The following CDH7 variants were observed in gnomAD, a reference collection of about 807,000 sequenced individuals.
CDH7 encodes cadherin-7.
In CDH7, 25 loss-of-function variants were observed where a neutral mutation model predicts 71.8. The ratio of observed to expected loss-of-function variants is 0.35; its 90% CI spans 0.25 to 0.49. CDH7 has a LOEUF of 0.49. Ranked by LOEUF, CDH7 falls within the 20% of genes least tolerant of loss-of-function variation. CDH7 has a pLI of 0.99. For synonymous variants in CDH7, 381 were observed against 363.8 expected (o/e 1.05, Z -0.54); for missense variants, 862 against 974.6 (o/e 0.88, Z 1.54).
chr18:65,766,481 C>A (rs1256805007), intron 2 of CDH7, among the ~76,000 whole-genome samples: 1 of 152,062 alleles, frequency 6.6e-6, no homozygotes, highest in East Asian at 1.9e-4. Flanking sequence ...TACTCAGGAA[C>A]CACCCGGGCT....
intron 6 of CDH7, among the ~76,000 whole-genome samples, chr18:65,840,041 G>T (rs1233673163): frequency 6.6e-6 from 1 of 152,152 alleles, no homozygotes; most frequent in Non-Finnish European, 1.5e-5. Context: ...ATTATTATTT[G>T]CAAACAATCA....
chr18:65,871,008 C>A (rs746250352), intron 11 of CDH7, among the ~76,000 whole-genome samples: 27 of 152,066 alleles, frequency 1.8e-4, no homozygotes, highest in Non-Finnish European at 3.5e-4. Flanking sequence ...AGAATAGGTC[C>A]AGTATCCTCC....
intron 4 of CDH7, among the ~76,000 whole-genome samples, chr18:65,818,422 C>G (rs138160289): frequency 6.6e-6 from 1 of 152,132 alleles, no homozygotes. Context: ...TCAGAATGTG[C>G]ATGGGGGAGT....
rs373560839 is a variant in CDH7, at chr18:65,862,726, A to T, written c.1673A>T (p.Tyr558Phe). 1 of 1,614,090 alleles carries T rather than the reference A, an allele frequency of 6.2e-7. No homozygotes were observed. The highest frequency in any genetic ancestry group is 8.5e-7 in the Non-Finnish European group (1 of 1,179,942). Reference sequence around the variant, plus strand: ...TTCCGGAGACAGGAACAATCAGTTTACTATCTGCCAATTTTCATTGTGGAC... The same window carrying T: ...TTCCGGAGACAGGAACAATCAGTTTTCTATCTGCCAATTTTCATTGTGGAC... Reference protein sequence around the residue: ...NGFRRQEQSVYYLPIFIVDSG... With the variant: ...NGFRRQEQSVFYLPIFIVDSG... The change falls in exon 11 of 12, where the codon TAC becomes TTC. Residue 558 changes from tyrosine to phenylalanine, a missense_variant. Transcript: ENST00000397968.
Position 65,784,913 on chromosome 18 carries a change from T to G in CDH7, c.210+21861T>G, listed in dbSNP as rs80276332. ...GTTCATTTATGTGTTACATTATACT[T>G]GGAGTCCTTGTAAGCCATTAAAACT... is the stretch of plus-strand genomic sequence containing the variant. On this transcript the variant is annotated intron_variant, in intron 2 of 11. Coordinates refer to ENST00000397968, the MANE Select transcript of CDH7 (RefSeq NM_004361.5). Among the ~76,000 whole-genome samples the G allele has an allele frequency of 5.2e-3, 795 of 152,304 alleles. 6 individuals carry two copies. The highest frequency in any genetic ancestry group is 0.018 in the African/African-American group (749 of 41,578).
chr18:65,853,906 CATATAT>C (rs4047846), intron 7 of CDH7, among the ~76,000 whole-genome samples: 1,244 of 33,660 alleles, frequency 0.037, 21 homozygotes, highest in East Asian at 0.043. Context: ...CATAAATTAC[CATATAT>C]ATATATATAT....
In CDH7 at chr18:65,809,869, G is replaced by A. The variant is rs777978352; in HGVS notation, c.376G>A (p.Asp126Asn). The A allele has an allele frequency of 7.4e-6, 12 of 1,613,984 alleles. No homozygotes were observed. The highest frequency in any genetic ancestry group is 1.6e-4 in the Middle Eastern group (1 of 6,062). Reference protein sequence around the residue: ...AYYTLRAQALDRLTNKPVEPE... With the variant: ...AYYTLRAQALNRLTNKPVEPE... ...CTACACGCTCCGAGCTCAAGCGCTGGATAGGCTCACCAACAAACCCGTGGA... is the reference window on the plus strand; with the variant it reads ...CTACACGCTCCGAGCTCAAGCGCTGAATAGGCTCACCAACAAACCCGTGGA... Residue 126 changes from aspartate to asparagine, a missense_variant, in exon 3 of 12, where the codon GAT becomes AAT. By Grantham distance (23) the Asp-to-Asn change is conservative. Coordinates refer to ENST00000397968, the MANE Select transcript of CDH7 (RefSeq NM_004361.5).
intron 2 of CDH7, among the ~76,000 whole-genome samples, chr18:65,783,726 C>A (rs577257233): frequency 6.6e-6 from 1 of 152,070 alleles, no homozygotes; most frequent in Non-Finnish European, 1.5e-5. Context: ...ATTAGTCTAA[C>A]CTTTTTCATG....
intron 2 of CDH7, among the ~76,000 whole-genome samples, chr18:65,799,332 AG>A (rs1911029527): frequency 6.6e-6 from 1 of 152,062 alleles, no homozygotes; most frequent in African/African-American, 2.4e-5. Flanking sequence ...ACCCTGCTGT[AG>A]GAAAGAGAAG....
chr18:65,811,797 T>C (rs780843802), intron 3 of CDH7, among the ~76,000 whole-genome samples: 6 of 152,084 alleles, frequency 3.9e-5, no homozygotes, highest in Non-Finnish European at 5.9e-5. Flanking sequence ...GTGAACTTTT[T>C]GTTTTAGAAG....
rs1599057036 is a variant in CDH7, at chr18:65,859,064, A to G, written c.1494+18A>G. 3 of 1,607,536 alleles carry G rather than the reference A, an allele frequency of 1.9e-6. No homozygotes were observed. The highest frequency in any genetic ancestry group is 2.5e-6 in the Non-Finnish European group (3 of 1,177,232). ...CGGGGCAGGTAAGAGTCTTCAGAAC[A>G]CTTTGCTTCTAATTTGTGGTTTCTT... On this transcript the variant is annotated intron_variant, in intron 9 of 11. Transcript: ENST00000397968.
At chr18:65,858,822 G>A in intron 8 of CDH7, 103 bp from the exon 9 acceptor site, 1 of 1,112,824 alleles carries the variant, frequency 9.0e-7, no homozygotes, top group Non-Finnish European at 1.3e-6. Flanking sequence ...AAGTAATACA[G>A]CATTATGATT....
intron 6 of CDH7, among the ~76,000 whole-genome samples, chr18:65,834,188 T>C (rs1373029271): frequency 2.6e-5 from 4 of 152,236 alleles, no homozygotes; most frequent in Non-Finnish European, 5.9e-5. Flanking sequence ...CCAGTATTTC[T>C]AGTTTGTGTA....
At chr18:65,760,833 T>C (rs1366339274) in intron 1 of CDH7, among the ~76,000 whole-genome samples, 1 of 152,216 alleles carries the variant, frequency 6.6e-6, no homozygotes, top group Non-Finnish European at 1.5e-5. Flanking sequence ...CCTACACTAG[T>C]GCACCATGTC....
At chr18:65,808,364 C>A (rs571114007) in intron 2 of CDH7, among the ~76,000 whole-genome samples, 7 of 152,230 alleles carry the variant, frequency 4.6e-5, no homozygotes, top group South Asian at 2.1e-4. Flanking sequence ...TGACTTAAGA[C>A]AGTTAAATAA....
At position 65,757,186 on chromosome 18, in the gene CDH7, C is replaced by T. The variant is rs114945118; in HGVS notation, c.-196-5461C>T. Among the ~76,000 whole-genome samples, 1,169 of 151,896 alleles carry T rather than the reference C, an allele frequency of 7.7e-3. 12 individuals are homozygous for T. Among genetic ancestry groups the T allele is most frequent in the African/African-American group, 0.027 (1,118 of 41,410 alleles). On this transcript the variant is annotated intron_variant, in intron 1 of 11. Coordinates refer to ENST00000397968, the MANE Select transcript of CDH7 (RefSeq NM_004361.5). ...AAGTGGAGGAGAAATTCCAAGAAAA[C>T]GTTATAGTAATGAATTTGTTTTGGT...
At chr18:65,766,435 T>C (rs1292388402) in intron 2 of CDH7, among the ~76,000 whole-genome samples, 1 of 152,086 alleles carries the variant, frequency 6.6e-6, no homozygotes, top group African/African-American at 2.4e-5. Flanking sequence ...AGTAGAACAT[T>C]CTGTTGAAGG....
At chr18:65,879,192 T>C (rs1914150394) in intron 11 of CDH7, among the ~76,000 whole-genome samples, 1 of 152,230 alleles carries the variant, frequency 6.6e-6, no homozygotes, top group Admixed American at 6.5e-5. Flanking sequence ...GTTAAGGACG[T>C]TGATGTCCTT....
intron 3 of CDH7, among the ~76,000 whole-genome samples, chr18:65,811,606 G>C (rs1911537239): frequency 6.6e-6 from 1 of 152,036 alleles, no homozygotes. Context: ...ACTGTTACAA[G>C]ATTTTAGAAA....
Sources: gnomAD v4.1 joint callset for allele counts (sites outside exome capture counted in the v4.1 genomes callset) on GRCh38, gnomAD v4.1.1 for gene constraint, MANE v1.5 for transcripts, NCBI Gene and HGNC (gene_info 2026-07-23, HGNC 2026-07-21) for gene names.